ITGB1: variants seen among roughly 807,000 people sequenced by gnomAD.
The protein encoded by ITGB1 is integrin subunit beta 1.
Under a neutral mutation model 86.5 loss-of-function variants are expected in ITGB1, and 24 were observed. That is an observed-to-expected ratio of 0.28 (90% CI 0.20 to 0.39). The LOEUF (loss-of-function observed/expected upper bound fraction) is 0.39. Among genes scored for constraint, ITGB1 ranks in the 10% least tolerant of loss-of-function variants. The pLI, the probability that ITGB1 is intolerant of heterozygous loss-of-function variation, is 1.00. For synonymous variants in ITGB1, 323 were observed against 316.8 expected (o/e 1.02, Z -0.21); for missense variants, 556 against 946.9 (o/e 0.59, Z 5.42).
rs554046191 is a variant in ITGB1 at position 32,901,713 on chromosome 10, T to G, written c.2332-78A>C. On this transcript the variant is annotated intron_variant, in intron 15 of 15. Coordinates refer to ENST00000302278, the MANE Select transcript of ITGB1 (RefSeq NM_002211.4). Reference sequence around the variant, plus strand: ...TAGAATAATTTTTATAAATCAAGACTAAAAGTTGCAATCATCTTAAGAAGT... The same window carrying G: ...TAGAATAATTTTTATAAATCAAGACGAAAAGTTGCAATCATCTTAAGAAGT... 30 of 943,548 alleles carry G rather than the reference T, an allele frequency of 3.2e-5. No homozygotes were observed. In the South Asian group the frequency reaches 4.3e-4, roughly 14 times the overall value. The allele number at this position is 943,548 out of a possible 1,614,324, so 58.4% of individuals were successfully genotyped here.
intron 9 of ITGB1, 95 bp downstream of exon 9, chr10:32,922,162 C>T (rs1345948611): frequency 2.8e-6 from 2 of 725,420 alleles, no homozygotes; most frequent in East Asian, 2.9e-5. Context: ...ACTTTGGGCT[C>T]GCTAAAGTGT....
In ITGB1 at chr10:32,910,729, T is replaced by C. The variant is rs73251120; in HGVS notation, c.1932-274A>G. 0.038 allele frequency among the ~76,000 whole-genome samples: 5,812 copies of C among 152,068 alleles called. 378 individuals are homozygous for C. The highest frequency in any genetic ancestry group is 0.13 in the African/African-American group (5,491 of 41,360). The stretch of plus-strand genomic sequence containing the variant: ...TAAAATAAATTAGCCCTATCACATA[T>C]TAAATATGTAACATAAAATCATAAT... On this transcript the variant is annotated intron_variant, in intron 13 of 15. Transcript: ENST00000302278.
chr10:32,902,221 T>C (rs568974167), intron 15 of ITGB1, among the ~76,000 whole-genome samples: 22 of 152,218 alleles, frequency 1.4e-4, no homozygotes, highest in Non-Finnish European at 3.1e-4. Context: ...CCATTCCTTA[T>C]GAAATAACTT....
chr10:32,937,328 C>T (rs982319951), intron 1 of ITGB1, among the ~76,000 whole-genome samples: 68 of 152,148 alleles, frequency 4.5e-4, no homozygotes, highest in African/African-American at 1.4e-3. Flanking sequence ...GAGACCAAGG[C>T]GGGTGGATCA....
chr10:32,952,849 G>A (rs1182904000), intron 1 of ITGB1, among the ~76,000 whole-genome samples: 1 of 152,052 alleles, frequency 6.6e-6, no homozygotes, highest in Non-Finnish European at 1.5e-5. Flanking sequence ...GTGCCCAGCA[G>A]AGTGAATGAC....
intron 1 of ITGB1, among the ~76,000 whole-genome samples, chr10:32,956,977 C>T (rs1004013791): frequency 2.6e-5 from 4 of 152,164 alleles, no homozygotes; most frequent in African/African-American, 9.7e-5. Context: ...CCCATGCCTT[C>T]TCCAGGAGCT....
At chr10:32,932,980 T>C (rs1325841599) in intron 2 of ITGB1, among the ~76,000 whole-genome samples, 1 of 152,174 alleles carries the variant, frequency 6.6e-6, no homozygotes, top group Non-Finnish European at 1.5e-5. Context: ...GTCACCCTGT[T>C]GTGCTACCAA....
intron 7 of ITGB1, among the ~76,000 whole-genome samples, chr10:32,923,010 T>C (rs2137206387): frequency 6.6e-6 from 1 of 152,318 alleles, no homozygotes; most frequent in Admixed American, 6.5e-5. Flanking sequence ...CTCTTTACTT[T>C]CATGTATGAA....
chr10:32,928,251 T>C lies in ITGB1; in HGVS notation c.390A>G (p.Thr130=). ...VLRLRSGEPQ[T]FTLKFKRAED... ...CAGCTCTCTTGAATTTTAATGTAAA[T>C]GTCTGTGGCTCCCCTAATTAGACAA... Residue 130 remains threonine, a synonymous_variant, in exon 5 of 16, where the codon ACA becomes ACG. Transcript: ENST00000302278. The C allele has an allele frequency of 1.1e-6, 1 of 875,428 alleles. No individual in the cohort carries two copies. The highest frequency in any genetic ancestry group is 2.0e-6 in the Non-Finnish European group (1 of 512,722). 54.2% of individuals were successfully genotyped at this position (875,428 alleles called of 1,614,324 possible). A position where few individuals can be genotyped will look rare whatever the true frequency, so the allele number is the denominator to read the frequency against.
rs562287741 is a variant in ITGB1 at position 32,945,670 on chromosome 10, T to A, written c.1-10112A>T. Reference sequence around the variant, plus strand: ...AAAGTTTTAAAAAGTTACATGTCATTTGGGGAAAGTATCTCATCAGAAATT... The same window carrying A: ...AAAGTTTTAAAAAGTTACATGTCATATGGGGAAAGTATCTCATCAGAAATT... On this transcript the variant is annotated intron_variant, in intron 1 of 15. Transcript: ENST00000302278. Among the ~76,000 whole-genome samples the A allele has an allele frequency of 1.7e-3, 261 of 152,228 alleles. 2 individuals carry two copies. The highest frequency in any genetic ancestry group is 6.1e-3 in the African/African-American group (252 of 41,536).
At chr10:32,935,748 C>G (rs1234569213) in intron 1 of ITGB1, 190 bp from the exon 2 acceptor site, 1 of 481,268 alleles carries the variant, frequency 2.1e-6, no homozygotes, top group Admixed American at 3.4e-5. Flanking sequence ...TCACCTTGCA[C>G]CTACACTGCG....
intron 15 of ITGB1, 109 bp from the exon 16 acceptor site, chr10:32,901,744 C>A: frequency 1.5e-6 from 1 of 687,054 alleles, no homozygotes; most frequent in Non-Finnish European, 2.5e-6. Flanking sequence ...GAAGTCATTT[C>A]TATTTTATTT....
intron 1 of ITGB1, among the ~76,000 whole-genome samples, chr10:32,940,987 T>C (rs2095016992): frequency 6.6e-6 from 1 of 152,026 alleles, no homozygotes; most frequent in African/African-American, 2.4e-5. Flanking sequence ...AGGACAAAAA[T>C]ACAAATTATT....
At chr10:32,908,675 A>G (rs2094904077) in intron 14 of ITGB1, 141 bp from the exon 15 acceptor site, 1 of 595,982 alleles carries the variant, frequency 1.7e-6, no homozygotes, top group Non-Finnish European at 2.8e-6. Context: ...CTAACAAGTG[A>G]GTTTACAAGG....
chr10:32,932,739 T>C (rs551343713), intron 2 of ITGB1, 139 bp from the exon 3 acceptor site: 8 of 571,590 alleles, frequency 1.4e-5, no homozygotes, highest in Non-Finnish European at 2.5e-5. Context: ...AACTAGACCT[T>C]CCCCAAAGAG....
Position 32,919,890 on chromosome 10 carries a change from C to G in ITGB1, c.1464G>C (p.Ala488=), listed in dbSNP as rs143061769. 3.7e-6 allele frequency: 6 copies of G among 1,613,878 alleles called. No homozygotes were observed. Among genetic ancestry groups the G allele is most frequent in the Non-Finnish European group, 5.1e-6 (6 of 1,179,896 alleles). ...HEGNGTFECG[A]CRCNEGRVGR... is the part of the protein sequence containing the mutation. ...TCTGACAACACCCAGCTTACCTGCA[C>G]GCGCCACACTCAAATGTCCCATTTC... Residue 488 remains alanine (A), a synonymous_variant, in exon 11 of 16, where the codon GCG becomes GCC. Coordinates refer to ENST00000302278, the MANE Select transcript of ITGB1 (RefSeq NM_002211.4).
intron 8 of ITGB1, 93 bp from the exon 9 acceptor site, chr10:32,922,439 C>T: frequency 1.1e-6 from 1 of 885,350 alleles, no homozygotes; most frequent in Non-Finnish European, 1.8e-6. Context: ...AATGCCAGTT[C>T]CCATGTTTCC....
chr10:32,929,840 C>T lies in ITGB1; in HGVS notation c.358G>A (p.Val120Ile), dbSNP rs760550365. 1.1e-5 allele frequency: 17 copies of T among 1,609,676 alleles called. No homozygotes were observed. The highest frequency in any genetic ancestry group is 7.7e-6 in the Non-Finnish European group (9 of 1,176,066). Reference protein sequence around the residue: ...DITQIQPQQLVLRLRSGEPQT... With the variant: ...DITQIQPQQLILRLRSGEPQT... The stretch of plus-strand genomic sequence containing the variant: ...TCCATACCTGATCTTAATCGCAAAA[C>T]CAACTGCTGTGGTTGGATCTGAGTA... Residue 120 changes from valine to isoleucine, a missense_variant, in exon 4 of 16, where the codon GTT becomes ATT. Physicochemically the swap from Val to Ile is conservative, Grantham distance 29 (BLOSUM62 3). Around this residue, in one of 4 missense-constraint regions of ITGB1, gnomAD observed 183 missense variants for 263.9 expected, o/e 0.69. Coordinates refer to ENST00000302278, the MANE Select transcript of ITGB1 (RefSeq NM_002211.4).
intron 1 of ITGB1, among the ~76,000 whole-genome samples, chr10:32,954,308 A>G (rs2095048333): frequency 1.3e-5 from 2 of 151,958 alleles, no homozygotes; most frequent in Admixed American, 1.3e-4. Flanking sequence ...CTCAGTGAAC[A>G]GCACCTCCTA....
Sources: gnomAD v4.1 joint callset for allele counts (sites outside exome capture counted in the v4.1 genomes callset) on GRCh38, gnomAD v4.1.1 for gene constraint, gnomAD v4.1.1 regional missense constraint, MANE v1.5 for transcripts, NCBI Gene and HGNC (gene_info 2026-07-23, HGNC 2026-07-21) for gene names.